KIF17: variants seen among roughly 807,000 people sequenced by gnomAD.
KIF17 encodes kinesin family member 17.
Under a neutral mutation model 96.8 loss-of-function variants are expected in KIF17, and 80 were observed. The ratio of observed to expected loss-of-function variants is 0.83; its 90% CI spans 0.69 to 1.00. KIF17 has a LOEUF of 1.00. KIF17 is among the 50% of genes least tolerant of loss of function. KIF17 has a pLI of 0.00. For missense variants in KIF17, 1,280 were observed against 1,372.9 expected, an observed-to-expected ratio of 0.93 and a Z score of 1.07; for synonymous variants, 567 against 587.5, an observed-to-expected ratio of 0.97 and a Z score of 0.51.
rs369845508 is a variant in KIF17 at position 20,712,730 on chromosome 1, CTATA to C, written c.480+720_480+723del. 1.6e-4 allele frequency among the ~76,000 whole-genome samples: 3 copies of C among 18,732 alleles called. 1 individual carries two copies. The highest frequency in any genetic ancestry group is 1.8e-3 in the South Asian group (2 of 1,124). 12.3% of individuals were successfully genotyped at this position (18,732 alleles called of 152,430 possible). A position where few individuals can be genotyped will look rare whatever the true frequency, so the allele number is the denominator to read the frequency against. Reference sequence around the variant, plus strand: ...ATCTATATATAAAATTATATTATATCTATATATATTATATATATAAAATTATATT... The same window carrying C: ...ATCTATATATAAAATTATATTATATCTATATTATATATATAAAATTATATT... On this transcript the variant is annotated intron_variant, in intron 3 of 14. Transcript: ENST00000400463.
In KIF17 at chr1:20,690,263, C is replaced by G; in HGVS notation, c.1306G>C (p.Glu436Gln). 6.2e-7 allele frequency: 1 copy of G among 1,613,752 alleles called. No homozygotes were observed. Among genetic ancestry groups the G allele is most frequent in the Non-Finnish European group, 8.5e-7 (1 of 1,179,922 alleles). The change falls in exon 7 of 15, where the codon GAA (glutamate) becomes CAA (glutamine). Residue 436 changes from glutamate to glutamine, a missense_variant. Coordinates refer to ENST00000400463, the MANE Select transcript of KIF17 (RefSeq NM_001122819.3). ...AEQESRARLE[E>Q]DITAMRNSYD... Reference sequence around the variant, plus strand: ...GAGTTGCGCATGGCAGTGATGTCTTCCTCCAGCCTGGCCCGAGACTCCTGC... The same window carrying G: ...GAGTTGCGCATGGCAGTGATGTCTTGCTCCAGCCTGGCCCGAGACTCCTGC...
chr1:20,673,533 ATTT>A (rs35306944), intron 11 of KIF17, among the ~76,000 whole-genome samples: 1 of 134,770 alleles, frequency 7.4e-6, no homozygotes. Flanking sequence ...AGCCTGCTCC[ATTT>A]TTTTTTTTTT....
In KIF17 at chr1:20,712,626, A is replaced by T. The variant is rs796597016; in HGVS notation, c.480+828T>A. 9.7e-3 allele frequency among the ~76,000 whole-genome samples: 169 copies of T among 17,434 alleles called. 24 individuals are homozygous for T. Among genetic ancestry groups the T allele is most frequent in the African/African-American group, 0.025 (161 of 6,410 alleles). The allele number at this position is 17,434 out of a possible 152,430, so 11.4% of individuals were successfully genotyped here. A position where few individuals can be genotyped will look rare whatever the true frequency, so the allele number is the denominator to read the frequency against. ...TATCTATATATATATAATATAGATA[A>T]TATCTATATATATAATATAGATAAT... On this transcript the variant is annotated intron_variant, in intron 3 of 14. Transcript: ENST00000400463.
chr1:20,694,104 T>TG (rs1426721928), intron 6 of KIF17: 1 of 137,838 alleles, frequency 7.3e-6, no homozygotes, highest in East Asian at 2.0e-4. Flanking sequence ...CATCCTGTCC[T>TG]TTTTTTTTTT....
chr1:20,698,357 T>G lies in KIF17; in HGVS notation c.1233+22A>C, dbSNP rs758138370. 9 of 1,573,430 alleles carry G rather than the reference T, an allele frequency of 5.7e-6. No individual in the cohort carries two copies. In the East Asian group the frequency reaches 1.8e-4, roughly 31 times the overall value. Reference sequence around the variant, plus strand: ...CCCACCTGCCTGTCCCTTCTCCATGTTCCCACCCGCTTGGGTCTCACCTCC... The same window carrying G: ...CCCACCTGCCTGTCCCTTCTCCATGGTCCCACCCGCTTGGGTCTCACCTCC... On this transcript the variant is annotated intron_variant, in intron 6 of 14. Transcript: ENST00000400463.
At position 20,708,184 on chromosome 1, in the gene KIF17, C is replaced by T. The variant is rs141397208; in HGVS notation, c.670+1455G>A. On this transcript the variant is annotated intron_variant, in intron 4 of 14. Coordinates refer to ENST00000400463, the MANE Select transcript of KIF17 (RefSeq NM_001122819.3). ...CTGAGCTGCAGTATTGAGGCTGTGA[C>T]CACTCTGGTCTCAACCCTCCCTATA... 1.1e-3 allele frequency among the ~76,000 whole-genome samples: 175 copies of T among 152,254 alleles called. 1 individual carries two copies. The highest frequency in any genetic ancestry group is 3.9e-3 in the African/African-American group (161 of 41,538).
intron 8 of KIF17, 103 bp from the exon 9 acceptor site, chr1:20,686,229 A>AC: frequency 1.1e-6 from 1 of 908,670 alleles, no homozygotes; most frequent in Non-Finnish European, 1.8e-6. Context: ...AAGGCCTCCC[A>AC]CCACCCCCCA....
intron 11 of KIF17, among the ~76,000 whole-genome samples, chr1:20,674,258 CATAATTCAT>C (rs1375910898): frequency 6.6e-6 from 1 of 151,954 alleles, no homozygotes; most frequent in Non-Finnish European, 1.5e-5. Context: ...TTTCTTGAGA[CATAATTCAT>C]ATAATTCATA....
intron 3 of KIF17, among the ~76,000 whole-genome samples, chr1:20,712,813 A>C (rs796368274): frequency 0.22 from 6,700 of 30,524 alleles, 1,096 homozygotes; most frequent in Non-Finnish European, 0.3. Flanking sequence ...ATATCTATAT[A>C]TATAATATAG....
At chr1:20,666,156 C>T (rs1570425899) in intron 14 of KIF17, 58 bp downstream of exon 14, 1 of 1,279,640 alleles carries the variant, frequency 7.8e-7, no homozygotes, top group East Asian at 2.3e-5. Flanking sequence ...TCAAAACTAT[C>T]CCCTTCACGC....
chr1:20,712,492 C>T (rs372621409), intron 3 of KIF17, among the ~76,000 whole-genome samples: 34 of 141,052 alleles, frequency 2.4e-4, no homozygotes, highest in African/African-American at 8.6e-4. Flanking sequence ...GCCAGGAGTT[C>T]GAAGCCAGCT....
At chr1:20,696,313 G>A (rs184901956) in intron 6 of KIF17, among the ~76,000 whole-genome samples, 6 of 152,218 alleles carry the variant, frequency 3.9e-5, no homozygotes, top group African/African-American at 1.4e-4. Flanking sequence ...AAATATGAGA[G>A]TTGAGAAAAA....
At chr1:20,717,306 G>A (rs1474156757) in intron 1 of KIF17, 170 bp downstream of exon 1, 2 of 680,142 alleles carry the variant, frequency 2.9e-6, no homozygotes, top group East Asian at 5.5e-5. Flanking sequence ...ATTAGAGGCA[G>A]GCTCTGGTTG....
chr1:20,663,096 C>T (rs1418950509), downstream of KIF17, among the ~76,000 whole-genome samples: 1 of 152,052 alleles, frequency 6.6e-6, no homozygotes, highest in Non-Finnish European at 1.5e-5. Context: ...TGGTGGTGGG[C>T]GCCTGTAATC....
At chr1:20,686,731 T>C (rs1246412212) in intron 8 of KIF17, among the ~76,000 whole-genome samples, 1 of 152,090 alleles carries the variant, frequency 6.6e-6, no homozygotes. Flanking sequence ...AATTTTTATA[T>C]TTTAGGTAGA....
intron 2 of KIF17, among the ~76,000 whole-genome samples, 188 bp from the exon 3 acceptor site, chr1:20,713,743 C>T (rs2054524498): frequency 6.6e-6 from 1 of 152,102 alleles, no homozygotes; most frequent in Non-Finnish European, 1.5e-5. Context: ...CTGTCTCCAG[C>T]TTGGTGGGCG....
rs780726306 is a variant in KIF17 at position 20,672,002 on chromosome 1, C to T, written c.2658G>A (p.Trp886Ter). The T allele has an allele frequency of 1.5e-5, 25 of 1,613,990 alleles. No individual in the cohort carries two copies. In the Admixed American group the frequency reaches 4.0e-4, roughly 26 times the overall value. ...NLEKILRESCWDEDNGFWKIP... is the reference protein window; with the variant it reads ...NLEKILRESC ...TCTTCCAGAAGCCGTTATCTTCGTC[C>T]CAGCAGGACTCACGCAGAATCTTCT... Residue 886 changes from tryptophan (W) to a stop codon, truncating the protein, a stop_gained, in exon 12 of 15, where the codon TGG (tryptophan) becomes TGA (stop). Transcript: ENST00000400463. LOFTEE classifies it high-confidence loss of function. This position sits in a 1 kb window ranked among gnomAD's most constrained non-coding sequence, Gnocchi z 4.3.
intron 6 of KIF17, among the ~76,000 whole-genome samples, chr1:20,691,042 T>C (rs984273937): frequency 4.6e-5 from 7 of 150,938 alleles, no homozygotes; most frequent in African/African-American, 1.5e-4. Flanking sequence ...GGCTCATGCC[T>C]GTAACCCCAG....
chr1:20,709,774 C>T lies in KIF17; in HGVS notation c.535G>A (p.Val179Met). Reference sequence around the variant, plus strand: ...TGCTCACACTGGGCCACGCTGTGCACCGTGTGCATGGACAGCCCCTTCACG... The same window carrying T: ...TGCTCACACTGGGCCACGCTGTGCATCGTGTGCATGGACAGCCCCTTCACG... Reference protein sequence around the residue: ...VYVKGLSMHTVHSVAQCEHIM... With the variant: ...VYVKGLSMHTMHSVAQCEHIM... Residue 179 changes from valine (V) to methionine (M), a missense_variant, in exon 4 of 15, where the codon GTG (valine) becomes ATG (methionine). Val to Met is a conservative substitution (Grantham distance 21). Transcript: ENST00000400463. This position sits in a 1 kb window ranked among gnomAD's most constrained non-coding sequence, Gnocchi z 4.7. 1 of 1,614,070 alleles carries T rather than the reference C, an allele frequency of 6.2e-7. No individual in the cohort carries two copies. Among genetic ancestry groups the T allele is most frequent in the African/African-American group, 1.3e-5 (1 of 75,064 alleles).
Sources: allele counts gnomAD v4.1 joint callset (sites outside exome capture counted in the v4.1 genomes callset), GRCh38; gene constraint gnomAD v4.1.1; non-coding constraint Gnocchi (gnomAD v3.1); transcripts MANE v1.5; gene names NCBI Gene and HGNC (gene_info 2026-07-23, HGNC 2026-07-21).